The following CNKSR3 variants were observed in gnomAD, a reference collection of about 807,000 sequenced individuals.
The protein encoded by CNKSR3 is CNKSR family member 3.
CNKSR3 carries 36 observed loss-of-function variants against 67.7 expected under a neutral mutation model. The ratio of observed to expected loss-of-function variants is 0.53; its 90% confidence interval spans 0.41 to 0.70. CNKSR3 has a LOEUF of 0.70. CNKSR3 is among the 30% of genes least tolerant of loss of function. The pLI, the probability that CNKSR3 is intolerant of heterozygous loss-of-function variation, is 0.00. For missense variants in CNKSR3, 630 were observed against 695.2 expected (o/e 0.91, Z 1.05); for synonymous variants, 281 against 271.4 (o/e 1.04, Z -0.35).
intron 4 of CNKSR3, among the ~76,000 whole-genome samples, chr6:154,436,421 A>C (rs1196684358): frequency 6.6e-6 from 1 of 152,132 alleles, no homozygotes; most frequent in Non-Finnish European, 1.5e-5. Flanking sequence ...TTGGCCTCCC[A>C]AAGTGCTGGG....
intron 1 of CNKSR3, among the ~76,000 whole-genome samples, chr6:154,495,785 G>C (rs147438189): frequency 3.3e-5 from 5 of 152,098 alleles, no homozygotes; most frequent in Non-Finnish European, 5.9e-5. Context: ...CCAGGGCGCA[G>C]AGTACTCCTG....
intron 4 of CNKSR3, 50 bp downstream of exon 4, chr6:154,441,242 C>CAAAAAAAAAAA (rs34887626): frequency 1.2e-5 from 10 of 847,452 alleles, no homozygotes; most frequent in African/African-American, 6.6e-5. Context: ...AGAGGAAAAG[C>CAAAAAAAAAAA]AAAAAAAAAA....
intron 1 of CNKSR3, among the ~76,000 whole-genome samples, chr6:154,504,305 G>A (rs1345724966): frequency 6.6e-6 from 1 of 152,202 alleles, no homozygotes; most frequent in Non-Finnish European, 1.5e-5. Flanking sequence ...CTGGTAAACG[G>A]CAGAGAAATC....
chr6:154,473,227 CACA>C, intron 1 of CNKSR3, among the ~76,000 whole-genome samples: 1 of 152,144 alleles, frequency 6.6e-6, no homozygotes, highest in Non-Finnish European at 1.5e-5. Flanking sequence ...TGCCAGAGAG[CACA>C]CACACGTTGA....
chr6:154,406,909 C>T (rs912109361), intron 12 of CNKSR3, among the ~76,000 whole-genome samples: 4 of 151,564 alleles, frequency 2.6e-5, no homozygotes, highest in South Asian at 2.1e-4. Context: ...GCCAAGATCG[C>T]GCCACTGCAC....
In CNKSR3 at chr6:154,505,652, C is replaced by T. The variant is rs541319057; in HGVS notation, c.52+4411G>A. ...AGCTGGGACTACAGGCGCCCACCAC[C>T]ACACCCGGCTAATTTTTTTTGTATT... On this transcript the variant is annotated intron_variant, in intron 1 of 12. Transcript: ENST00000607772. Among the ~76,000 whole-genome samples, 794 of 151,176 alleles carry T rather than the reference C, an allele frequency of 5.3e-3. 7 individuals carry two copies. The highest frequency in any genetic ancestry group is 8.5e-3 in the Non-Finnish European group (575 of 67,904).
intron 1 of CNKSR3, among the ~76,000 whole-genome samples, chr6:154,475,210 G>C (rs1011403210): frequency 1.3e-5 from 2 of 152,122 alleles, no homozygotes; most frequent in Non-Finnish European, 2.9e-5. Context: ...CTTCCCACTG[G>C]GAGGCTCAGC....
At chr6:154,437,410 CTTTTTTTTTTT>C (rs10665656) in intron 4 of CNKSR3, among the ~76,000 whole-genome samples, 22 of 102,144 alleles carry the variant, frequency 2.2e-4, no homozygotes, top group Non-Finnish European at 3.4e-4. Context: ...CACCTATGTT[CTTTTTTTTTTT>C]TTTTTTTTTT....
At chr6:154,408,687 G>T (rs1274063370) in intron 12 of CNKSR3, among the ~76,000 whole-genome samples, 2 of 152,182 alleles carry the variant, frequency 1.3e-5, no homozygotes. Flanking sequence ...TGACAAAAAT[G>T]TTCTGGAATA....
At position 154,441,350 on chromosome 6, in the gene CNKSR3, GA is replaced by G; in HGVS notation, c.448del (p.Ser150GlnfsTer14). 1.2e-6 allele frequency: 2 copies of G among 1,613,774 alleles called. No homozygotes were observed. Among genetic ancestry groups the G allele is most frequent in the Non-Finnish European group, 1.7e-6 (2 of 1,179,892 alleles). Reference sequence around the variant, plus strand: ...CTGGATAATTTTGTTCTTCGTGACTGAGAAATCAGTGATCCCTGTAAACGGA... The same window carrying G: ...CTGGATAATTTTGTTCTTCGTGACTGGAAATCAGTGATCCCTGTAAACGGA... ...RAPFTGITDFSVTKNKIIQLC... is the reference protein window; with the variant it reads ...RAPFTGITDFXVTKNKIIQLC... On this transcript the variant is annotated frameshift_variant, in exon 4 of 13. Transcript: ENST00000607772. LOFTEE classifies it high-confidence loss of function.
chr6:154,394,823 C>T lies in CNKSR3; in HGVS notation c.*11531G>A, dbSNP rs768227657. ...TGCCAAGTCTATTTTCCTCTCCCCA[C>T]GCTGTTCACAAGAAGAGCATATAGA... On this transcript the variant is annotated 3_prime_UTR_variant, in exon 13 of 13. Coordinates refer to ENST00000607772, the MANE Select transcript of CNKSR3 (RefSeq NM_173515.4). 1 of 152,274 alleles carries T rather than the reference C, an allele frequency of 6.6e-6. No individual in the cohort carries two copies. Among genetic ancestry groups the T allele is most frequent in the Non-Finnish European group, 1.5e-5 (1 of 68,036 alleles). 9.4% of individuals were successfully genotyped at this position (152,274 alleles called of 1,614,324 possible).
At chr6:154,448,751 G>A (rs989261114) in intron 2 of CNKSR3, among the ~76,000 whole-genome samples, 2 of 152,180 alleles carry the variant, frequency 1.3e-5, no homozygotes, top group Non-Finnish European at 2.9e-5. Flanking sequence ...ACATCTCAGA[G>A]CAGAAGACAA....
chr6:154,405,083 C>T lies in CNKSR3; in HGVS notation c.*1271G>A, dbSNP rs941623866. 3.9e-5 allele frequency: 6 copies of T among 152,222 alleles called. No individual in the cohort carries two copies. The highest frequency in any genetic ancestry group is 2.1e-4 in the South Asian group (1 of 4,824). The allele number at this position is 152,222 out of a possible 1,614,324, so 9.4% of individuals were successfully genotyped here. On this transcript the variant is annotated 3_prime_UTR_variant, in exon 13 of 13. Coordinates refer to ENST00000607772, the MANE Select transcript of CNKSR3 (RefSeq NM_173515.4). Reference sequence around the variant, plus strand: ...GGAAGATACCTCAGAAAATTCCCCTCGTGCAATTTCACTTTGCATATGCTT... The same window carrying T: ...GGAAGATACCTCAGAAAATTCCCCTTGTGCAATTTCACTTTGCATATGCTT...
At chr6:154,429,410 C>G (rs1785319734) in intron 6 of CNKSR3, among the ~76,000 whole-genome samples, 1 of 152,178 alleles carries the variant, frequency 6.6e-6, no homozygotes, top group South Asian at 2.1e-4. Flanking sequence ...ATGGTACTCC[C>G]CCTCCCAGGG....
At chr6:154,437,756 A>AAGAGCG (rs771044333) in intron 4 of CNKSR3, among the ~76,000 whole-genome samples, 9,729 of 152,098 alleles carry the variant, frequency 0.064, 316 homozygotes, top group African/African-American at 0.077. Context: ...TGTCAAGAGC[A>AAGAGCG]CTTGTCAAGA....
chr6:154,495,328 C>G (rs1384759913), intron 1 of CNKSR3, among the ~76,000 whole-genome samples: 2 of 150,910 alleles, frequency 1.3e-5, no homozygotes, highest in Admixed American at 6.6e-5. Context: ...CTTAAACCCA[C>G]ATAGCAGCTC....
chr6:154,415,097 CAAAAAAAAA>C (rs1157415390), intron 9 of CNKSR3, among the ~76,000 whole-genome samples: 1 of 33,242 alleles, frequency 3.0e-5, no homozygotes, highest in South Asian at 1.8e-3. Flanking sequence ...GACTCTGTCT[CAAAAAAAAA>C]AAAAAAAAAA....
rs773533317 is a variant in CNKSR3 at position 154,415,227 on chromosome 6, C to CTTTTTTTTTTTTTTTTTTTTT, written c.946-805_946-804insAAAAAAAAAAAAAAAAAAAAA. 4.4e-4 allele frequency among the ~76,000 whole-genome samples: 50 copies of CTTTTTTTTTTTTTTTTTTTTT among 112,774 alleles called. 6 individuals carry two copies. The highest frequency in any genetic ancestry group is 7.5e-4 in the African/African-American group (20 of 26,840). The allele number at this position is 112,774 out of a possible 152,430, so 74.0% of individuals were successfully genotyped here. On this transcript the variant is annotated intron_variant, in intron 9 of 12. Coordinates refer to ENST00000607772, the MANE Select transcript of CNKSR3 (RefSeq NM_173515.4). ...ATCCTGGCTAGACTTACTAGCTGCC[C>CTTTTTTTTTTTTTTTTTTTTT]ATTTTTTTTTTTTTTTTTTTTAAGA... is the stretch of plus-strand genomic sequence containing the variant.
At chr6:154,416,425 T>G (rs1785025703) in intron 9 of CNKSR3, among the ~76,000 whole-genome samples, 1 of 152,196 alleles carries the variant, frequency 6.6e-6, no homozygotes, top group South Asian at 2.1e-4. Context: ...GATTGACATC[T>G]CAACATGTCA....
Sources: allele counts gnomAD v4.1 joint callset (sites outside exome capture counted in the v4.1 genomes callset), GRCh38; gene constraint gnomAD v4.1.1; transcripts MANE v1.5; gene names NCBI Gene and HGNC (gene_info 2026-07-23, HGNC 2026-07-21).